Variants in RNGTT observed in about 807,000 individuals in gnomAD.
RNGTT encodes RNA guanylyltransferase and 5'-phosphatase.
A neutral mutation model predicts 79.3 loss-of-function variants in RNGTT; 33 were observed. That is an observed-to-expected ratio of 0.42 (90% confidence interval 0.32 to 0.56). The LOEUF is 0.56. Ranked by LOEUF, RNGTT falls within the 20% of genes least tolerant of loss-of-function variation. The probability of loss-of-function intolerance (pLI) is 0.17; values close to 1 mark genes in which losing one functional copy is unlikely to be tolerated. For synonymous variants in RNGTT, 222 were observed against 235.9 expected (o/e 0.94, Z 0.54); for missense variants, 497 against 739.1 (o/e 0.67, Z 3.80).
intron 13 of RNGTT, among the ~76,000 whole-genome samples, chr6:88,758,702 T>C (rs1423562138): frequency 6.6e-6 from 1 of 152,204 alleles, no homozygotes; most frequent in East Asian, 1.9e-4. Flanking sequence ...TTAACTCTGA[T>C]AAGCTAGTAA....
chr6:88,852,546 A>T (rs1781708354), intron 9 of RNGTT, among the ~76,000 whole-genome samples: 1 of 152,148 alleles, frequency 6.6e-6, no homozygotes, highest in Non-Finnish European at 1.5e-5. Context: ...ACACATATAG[A>T]TACATATACA....
chr6:88,929,408 A>C (rs1784417647), intron 2 of RNGTT, 141 bp from the exon 3 acceptor site: 1 of 561,880 alleles, frequency 1.8e-6, no homozygotes, highest in Non-Finnish European at 3.2e-6. Context: ...AACAATTGAT[A>C]ATAAAAGTAT....
intron 14 of RNGTT, among the ~76,000 whole-genome samples, chr6:88,676,082 A>C (rs1229825263): frequency 1.3e-5 from 2 of 152,224 alleles, no homozygotes; most frequent in Admixed American, 6.5e-5. Flanking sequence ...ATGGAAATGA[A>C]AGGAACCTAG....
At position 88,698,279 on chromosome 6, in the gene RNGTT, TTTC is replaced by T. The variant is rs1177867254; in HGVS notation, c.1440-19863_1440-19861del. ...TATATAAATATATATGATATATATA[TTTC>T]ATATATATCATATATATATGAAATA... On this transcript the variant is annotated intron_variant, in intron 13 of 15. Transcript: ENST00000369485. 2.8e-4 allele frequency among the ~76,000 whole-genome samples: 35 copies of T among 124,642 alleles called. 3 individuals carry two copies. Among genetic ancestry groups the T allele is most frequent in the South Asian group, 1.5e-3 (6 of 4,062 alleles). The allele number at this position is 124,642 out of a possible 152,430, so 81.8% of individuals were successfully genotyped here.
intron 8 of RNGTT, among the ~76,000 whole-genome samples, chr6:88,876,339 G>A (rs1321943898): frequency 6.6e-6 from 1 of 152,136 alleles, no homozygotes; most frequent in Non-Finnish European, 1.5e-5. Flanking sequence ...GACCAGCCTG[G>A]ACAACACGGG....
chr6:88,655,660 T>C (rs535401354), intron 14 of RNGTT, among the ~76,000 whole-genome samples: 1 of 152,340 alleles, frequency 6.6e-6, no homozygotes, highest in South Asian at 2.1e-4. Flanking sequence ...ATATGGTTGC[T>C]GCAAAAAATT....
At chr6:88,891,132 G>A (rs978536096) in intron 7 of RNGTT, among the ~76,000 whole-genome samples, 3 of 151,882 alleles carry the variant, frequency 2.0e-5, no homozygotes, top group Non-Finnish European at 4.4e-5. Context: ...CATTAAAACC[G>A]ATCTTATTTC....
chr6:88,922,540 T>C (rs970125943), intron 4 of RNGTT, among the ~76,000 whole-genome samples: 1 of 152,066 alleles, frequency 6.6e-6, no homozygotes, highest in Non-Finnish European at 1.5e-5. Flanking sequence ...AAAAATTTTT[T>C]TTTTTGAGAT....
chr6:88,698,191 A>AATATATATGATATATATGAAAT lies in RNGTT; in HGVS notation c.1440-19794_1440-19773dup, dbSNP rs1411875745. On this transcript the variant is annotated intron_variant, in intron 13 of 15. Transcript: ENST00000369485. ...TGACATATATATGATATATATATGA[A>AATATATATGATATATATGAAAT]ATATATATGATATATATGAAATATA... Among the ~76,000 whole-genome samples, 2 of 103,924 alleles carry AATATATATGATATATATGAAAT rather than the reference A, an allele frequency of 1.9e-5. 1 individual carries two copies. Among genetic ancestry groups the AATATATATGATATATATGAAAT allele is most frequent in the Non-Finnish European group, 3.4e-5 (2 of 58,276 alleles). The allele number at this position is 103,924 out of a possible 152,430, so 68.2% of individuals were successfully genotyped here.
chr6:88,611,743 GACATTACCTTCTAATCAA>G lies in RNGTT; in HGVS notation c.*958_*975del, dbSNP rs1182943118. 15 of 152,606 alleles carry G rather than the reference GACATTACCTTCTAATCAA, an allele frequency of 9.8e-5. No individual in the cohort carries two copies. Among genetic ancestry groups the G allele is most frequent in the Non-Finnish European group, 1.6e-4 (11 of 68,036 alleles). The allele number at this position is 152,606 out of a possible 1,614,324, so 9.5% of individuals were successfully genotyped here. On this transcript the variant is annotated 3_prime_UTR_variant, in exon 16 of 16. Coordinates refer to ENST00000369485, the MANE Select transcript of RNGTT (RefSeq NM_003800.5). ...TTCTGGTGACAGCATTCTATTCCAT[GACATTACCTTCTAATCAA>G]AGAAGTTAGCTGGCATTCCCTTTGC...
At chr6:88,758,268 A>G (rs1471888763) in intron 13 of RNGTT, among the ~76,000 whole-genome samples, 1 of 152,214 alleles carries the variant, frequency 6.6e-6, no homozygotes, top group Non-Finnish European at 1.5e-5. Flanking sequence ...ACCAAAATTA[A>G]TTTTATAACT....
chr6:88,689,013 T>C (rs1360641151), intron 13 of RNGTT, among the ~76,000 whole-genome samples: 1 of 152,238 alleles, frequency 6.6e-6, no homozygotes, highest in Non-Finnish European at 1.5e-5. Flanking sequence ...ACTGTGTATG[T>C]TATTGGTAAG....
intron 14 of RNGTT, among the ~76,000 whole-genome samples, chr6:88,649,430 G>A (rs1243262700): frequency 6.6e-6 from 1 of 152,222 alleles, no homozygotes; most frequent in African/African-American, 2.4e-5. Flanking sequence ...CGGGCGCGGT[G>A]GCTCACGCCT....
At chr6:88,720,186 T>C (rs1366702467) in intron 13 of RNGTT, among the ~76,000 whole-genome samples, 1 of 152,162 alleles carries the variant, frequency 6.6e-6, no homozygotes, top group Admixed American at 6.5e-5. Context: ...ATATCCTAAG[T>C]AAAAAAGTTA....
intron 13 of RNGTT, among the ~76,000 whole-genome samples, chr6:88,708,679 T>C (rs1776222992): frequency 6.6e-6 from 1 of 152,164 alleles, no homozygotes; most frequent in African/African-American, 2.4e-5. Flanking sequence ...TCTGCTGGGT[T>C]TCAATCACTT....
intron 1 of RNGTT, among the ~76,000 whole-genome samples, 153 bp downstream of exon 1, chr6:88,963,193 C>T (rs1428447677): frequency 7.1e-6 from 1 of 140,096 alleles, no homozygotes; most frequent in Non-Finnish European, 1.5e-5. Context: ...CGTTCATGTT[C>T]CCATTCATCC....
At chr6:88,825,086 AAAG>A (rs1780615259) in intron 11 of RNGTT, among the ~76,000 whole-genome samples, 1 of 152,240 alleles carries the variant, frequency 6.6e-6, no homozygotes. Flanking sequence ...AATGAAAGGA[AAAG>A]AATAACCAAA....
In RNGTT at chr6:88,695,276, A is replaced by G. The variant is rs191708439; in HGVS notation, c.1440-16857T>C. On this transcript the variant is annotated intron_variant, in intron 13 of 15. Transcript: ENST00000369485. ...TAAGCGAGACATTTGATAAGGGATT[A>G]ATACCCAAAATATATAAGGAACTCA... 2.0e-3 allele frequency among the ~76,000 whole-genome samples: 309 copies of G among 152,292 alleles called. 1 individual carries two copies. The highest frequency in any genetic ancestry group is 3.4e-3 in the Middle Eastern group (1 of 294).
At chr6:88,845,937 T>C (rs989518452) in intron 10 of RNGTT, among the ~76,000 whole-genome samples, 8 of 152,042 alleles carry the variant, frequency 5.3e-5, no homozygotes, top group Non-Finnish European at 1.0e-4. Flanking sequence ...TTTATTAGAG[T>C]TATTAAAAGA....
Sources: allele counts gnomAD v4.1 joint callset (sites outside exome capture counted in the v4.1 genomes callset), GRCh38; gene constraint gnomAD v4.1.1; transcripts MANE v1.5; gene names NCBI Gene and HGNC (gene_info 2026-07-23, HGNC 2026-07-21).